The following ZMYM6 variants were observed in gnomAD, a reference collection of about 807,000 sequenced individuals.
The protein encoded by ZMYM6 is zinc finger MYM-type protein 6.
Under a neutral mutation model 134.0 loss-of-function variants are expected in ZMYM6, and 90 were observed. That is an observed-to-expected ratio of 0.67 (90% CI 0.57 to 0.80). ZMYM6 has a LOEUF of 0.80. ZMYM6 is among the 30% of genes least tolerant of loss of function. The pLI is 0.00. For missense variants in ZMYM6, 1,362 were observed against 1,533.9 expected (o/e 0.89, Z 1.87); for synonymous variants, 481 against 524.1 (o/e 0.92, Z 1.12).
At chr1:35,006,811 A>G in intron 12 of ZMYM6, 140 bp downstream of exon 12, 2 of 875,884 alleles carry the variant, frequency 2.3e-6, no homozygotes, top group Non-Finnish European at 3.1e-6. Flanking sequence ...AATCTTAAAG[A>G]CTTCTTAAAG....
At chr1:35,026,681 A>G (rs1437583831) in intron 2 of ZMYM6, among the ~76,000 whole-genome samples, 1 of 152,220 alleles carries the variant, frequency 6.6e-6, no homozygotes, top group Non-Finnish European at 1.5e-5. Context: ...GGTATAATGA[A>G]AGAAATATTG....
intron 14 of ZMYM6, among the ~76,000 whole-genome samples, chr1:35,003,099 T>A (rs1435729010): frequency 1.3e-5 from 2 of 151,114 alleles, no homozygotes; most frequent in Non-Finnish European, 2.9e-5. Context: ...AGGGGACTGC[T>A]TGAGCCCAGA....
chr1:35,030,232 C>T, intron 2 of ZMYM6: 1 of 204,444 alleles, frequency 4.9e-6, no homozygotes, highest in African/African-American at 2.3e-5. Context: ...GAGTTTGAGA[C>T]CAGCCTGGGA....
intron 14 of ZMYM6, among the ~76,000 whole-genome samples, chr1:34,993,109 T>C (rs1640714481): frequency 7.6e-6 from 1 of 131,598 alleles, no homozygotes; most frequent in South Asian, 2.1e-4. Flanking sequence ...TATTCTTTTC[T>C]TTTTTCTTTT....
chr1:35,001,796 T>A (rs1441347248), intron 14 of ZMYM6, among the ~76,000 whole-genome samples: 1 of 152,178 alleles, frequency 6.6e-6, no homozygotes, highest in African/African-American at 2.4e-5. Context: ...CATCTTCCAA[T>A]AACACAAATA....
At chr1:35,030,433 A>G (rs1641499960) in intron 2 of ZMYM6, 114 bp downstream of exon 2, 1 of 940,208 alleles carries the variant, frequency 1.1e-6, no homozygotes. Context: ...AGCCTGTCTC[A>G]GTTTGGGTTA....
intron 2 of ZMYM6, among the ~76,000 whole-genome samples, chr1:35,024,268 T>C (rs764162745): frequency 1.3e-5 from 2 of 152,182 alleles, no homozygotes; most frequent in South Asian, 4.1e-4. Context: ...TTGCAAGCAA[T>C]ACACTTATAG....
At chr1:34,989,761 A>G (rs1640638052) in intron 15 of ZMYM6, 1 of 152,166 alleles carries the variant, frequency 6.6e-6, no homozygotes, top group Non-Finnish European at 1.5e-5. Flanking sequence ...TTAGCCAGGC[A>G]TGGTGGTACA....
chr1:35,011,326 T>TC (rs370991064), intron 8 of ZMYM6, among the ~76,000 whole-genome samples: 19 of 152,060 alleles, frequency 1.2e-4, no homozygotes, highest in African/African-American at 4.3e-4. Flanking sequence ...CTACCTGCAC[T>TC]CCCATCATCA....
At chr1:35,016,704 C>T (rs1480866250) in intron 4 of ZMYM6, among the ~76,000 whole-genome samples, 1 of 152,130 alleles carries the variant, frequency 6.6e-6, no homozygotes, top group Non-Finnish European at 1.5e-5. Flanking sequence ...AGTGCAGTGG[C>T]TCACCCCCAT....
chr1:35,007,601 A>T (rs538716460), intron 11 of ZMYM6, among the ~76,000 whole-genome samples: 47 of 152,104 alleles, frequency 3.1e-4, no homozygotes, highest in Non-Finnish European at 4.0e-4. Context: ...AGAAAAAAAA[A>T]AAAATGCTCT....
chr1:35,021,814 C>T (rs1325724435), intron 2 of ZMYM6, among the ~76,000 whole-genome samples: 7 of 151,980 alleles, frequency 4.6e-5, no homozygotes, highest in African/African-American at 1.4e-4. Context: ...TTCTTTAAAA[C>T]GTTTTAAAAC....
At chr1:35,017,302 C>G (rs1641219057) in intron 4 of ZMYM6, 3 of 152,126 alleles carry the variant, frequency 2.0e-5, no homozygotes, top group African/African-American at 7.2e-5. Context: ...AAAAATATGA[C>G]AGCAAATCTT....
At chr1:35,003,910 C>A in intron 14 of ZMYM6, 58 bp downstream of exon 14, 2 of 1,477,184 alleles carry the variant, frequency 1.4e-6, no homozygotes, top group South Asian at 2.3e-5. Flanking sequence ...ATGCCATATC[C>A]AAAGTGAAAA....
chr1:35,031,119 C>A (rs1641515000), intron 1 of ZMYM6: 1 of 154,712 alleles, frequency 6.5e-6, no homozygotes, highest in African/African-American at 2.4e-5. Context: ...AGGGGCACAA[C>A]AACCTCCCGG....
intron 8 of ZMYM6, 120 bp downstream of exon 8, chr1:35,011,770 A>AT (rs919528015): frequency 3.9e-5 from 26 of 665,546 alleles, no homozygotes; most frequent in Non-Finnish European, 5.3e-5. Flanking sequence ...GATGAAACAA[A>AT]TTTTTTTCTT....
rs777442047 is a variant in ZMYM6, at chr1:35,010,913, C to G, written c.1186G>C (p.Val396Leu). 6.2e-7 allele frequency: 1 copy of G among 1,612,918 alleles called. No homozygotes were observed. The highest frequency in any genetic ancestry group is 1.3e-5 in the African/African-American group (1 of 74,850). The change falls in exon 9 of 16, where the codon GTT becomes CTT. Residue 396 changes from valine to leucine, a missense_variant. Val to Leu is a conservative substitution (Grantham distance 32). This residue lies in a region of ZMYM6 where 503 missense variants were observed against 520.8 expected (regional missense o/e 0.97). Coordinates refer to ENST00000357182, the MANE Select transcript of ZMYM6 (RefSeq NM_007167.4). ...VSIGGGNTSA[V>L]SPSSIRGSAA... ...GAGCCACGGATGGAGCTGGGGGAAA[C>G]GGCAGAGGTGTTACCTCCTCCTATT... is the stretch of plus-strand genomic sequence containing the variant.
chr1:35,026,802 C>T (rs1641422386), intron 2 of ZMYM6, among the ~76,000 whole-genome samples: 1 of 152,098 alleles, frequency 6.6e-6, no homozygotes, highest in South Asian at 2.1e-4. Flanking sequence ...CTCTTTTATT[C>T]CAATTATTGA....
Position 35,020,402 on chromosome 1 carries a change from T to C in ZMYM6, c.159A>G (p.Ser53=). The change falls in exon 3 of 16, where the codon TCA becomes TCG. Residue 53 remains serine (S), a synonymous_variant. Transcript: ENST00000357182. ...TCTTACCAATAGGTCTCTCATTAAC[T>C]GAAGACACACCACCAATTTTCAATT... ...ESKLKIGGVS[S]VNERPIAQQL... 1 of 1,612,884 alleles carries C rather than the reference T, an allele frequency of 6.2e-7. No individual in the cohort carries two copies. Among genetic ancestry groups the C allele is most frequent in the Non-Finnish European group, 8.5e-7 (1 of 1,179,562 alleles).
Sources: allele counts gnomAD v4.1 joint callset (sites outside exome capture counted in the v4.1 genomes callset), GRCh38; gene constraint gnomAD v4.1.1; regional missense constraint gnomAD v4.1.1; transcripts MANE v1.5; gene names NCBI Gene and HGNC (gene_info 2026-07-23, HGNC 2026-07-21).